The following LYPLAL1 variants were observed in gnomAD, a reference collection of about 807,000 sequenced individuals.
The protein encoded by LYPLAL1 is lysophospholipase like 1.
Under a neutral mutation model 19.7 loss-of-function variants are expected in LYPLAL1, and 23 were observed. The observed-to-expected ratio is 1.17, with a 90% CI of 0.84 to 1.65. LYPLAL1 has a LOEUF of 1.65. Ranked by LOEUF, LYPLAL1 falls within the 40% of genes most tolerant of loss-of-function variation. LYPLAL1 has a pLI of 0.00. For synonymous variants in LYPLAL1, 119 were observed against 96.3 expected, an observed-to-expected ratio of 1.24 and a Z score of -1.38; for missense variants, 355 against 279.4, an observed-to-expected ratio of 1.27 and a Z score of -1.93.
Position 219,202,686 on chromosome 1 carries a change from A to AT in LYPLAL1, c.362-7837dup, listed in dbSNP as rs987192742. 3.3e-5 allele frequency among the ~76,000 whole-genome samples: 5 copies of AT among 151,520 alleles called. No individual in the cohort carries two copies. The East Asian group carries it at 5.8e-4, about 18-fold the overall frequency. ...CCATAGTGAGGAATGAAGTTAGGTA[A>AT]TTTTTTTTTGAAACAGGGTCTTGCT... On this transcript the variant is annotated intron_variant, in intron 3 of 4. Coordinates refer to ENST00000366928, the MANE Select transcript of LYPLAL1 (RefSeq NM_138794.5).
chr1:219,325,090 G>A, the LYPLAL1 span, among the ~76,000 whole-genome samples: 1 of 152,122 alleles, frequency 6.6e-6, no homozygotes, highest in Non-Finnish European at 1.5e-5. Context: ...AAATTAGAAA[G>A]TAAATAAATG....
the LYPLAL1 span, among the ~76,000 whole-genome samples, chr1:219,373,157 G>A: frequency 0.033 from 5,014 of 152,238 alleles, 275 homozygotes; most frequent in African/African-American, 0.11. Flanking sequence ...ATTGGTGTGC[G>A]TACATGTAGC....
the LYPLAL1 span, among the ~76,000 whole-genome samples, chr1:219,281,975 T>C: frequency 2.0e-5 from 3 of 152,216 alleles, no homozygotes; most frequent in Admixed American, 2.0e-4. Flanking sequence ...TACATGCACT[T>C]GGACAGAGAA....
the LYPLAL1 span, among the ~76,000 whole-genome samples, chr1:219,352,470 A>C: frequency 2.0e-3 from 310 of 152,296 alleles, 2 homozygotes; most frequent in African/African-American, 7.2e-3. Context: ...GTAAGCCGAG[A>C]TCGCGCCACT....
chr1:219,241,134 C>CTA, the LYPLAL1 span, among the ~76,000 whole-genome samples: 867 of 44,316 alleles, frequency 0.02, 38 homozygotes, highest in African/African-American at 0.034. Context: ...CTCTCTCTCT[C>CTA]TATATATATA....
the LYPLAL1 span, among the ~76,000 whole-genome samples, chr1:219,259,284 C>T: frequency 1.3e-5 from 2 of 151,662 alleles, no homozygotes; most frequent in African/African-American, 4.8e-5. Flanking sequence ...GAAAAGAAGC[C>T]GTTATGTAAC....
At chr1:219,271,921 C>A in the LYPLAL1 span, 3 of 152,182 alleles carry the variant, frequency 2.0e-5, no homozygotes, top group African/African-American at 7.2e-5. Context: ...TCTGTGAAAA[C>A]CAGCAGCTTT....
At chr1:219,362,078 A>C in the LYPLAL1 span, among the ~76,000 whole-genome samples, 4 of 152,132 alleles carry the variant, frequency 2.6e-5, no homozygotes, top group African/African-American at 7.2e-5. Flanking sequence ...GATTAATAGA[A>C]TGTTAGGAAG....
the LYPLAL1 span, chr1:219,435,248 T>C: frequency 8.7e-4 from 132 of 152,268 alleles, no homozygotes; most frequent in African/African-American, 3.1e-3. Flanking sequence ...AACTAAGACA[T>C]AGGGTGGTTC....
At chr1:219,214,771 A>T (rs1160276928), downstream of LYPLAL1, among the ~76,000 whole-genome samples, 1 of 146,334 alleles carries the variant, frequency 6.8e-6, no homozygotes, top group South Asian at 2.2e-4. Context: ...GCTCACTACA[A>T]CTCCACCTCC....
the LYPLAL1 span, among the ~76,000 whole-genome samples, chr1:219,442,078 T>C: frequency 6.6e-6 from 1 of 152,178 alleles, no homozygotes; most frequent in Non-Finnish European, 1.5e-5. Context: ...GATTAAACAA[T>C]ACCATTCTCC....
At chr1:219,441,786 C>T in the LYPLAL1 span, among the ~76,000 whole-genome samples, 16 of 152,260 alleles carry the variant, frequency 1.1e-4, no homozygotes, top group Non-Finnish European at 2.1e-4. Flanking sequence ...CATTCCCTCT[C>T]AGGAACTTTT....
the LYPLAL1 span, among the ~76,000 whole-genome samples, chr1:219,257,715 A>G: frequency 6.6e-6 from 1 of 152,060 alleles, no homozygotes; most frequent in Non-Finnish European, 1.5e-5. Flanking sequence ...AGAATTACTG[A>G]TGAGGGTCTG....
chr1:219,431,899 C>T, the LYPLAL1 span, among the ~76,000 whole-genome samples: 1 of 152,208 alleles, frequency 6.6e-6, no homozygotes, highest in African/African-American at 2.4e-5. Context: ...TTTTCCCAAA[C>T]TATACAATAG....
chr1:219,233,189 T>A, the LYPLAL1 span, among the ~76,000 whole-genome samples: 2 of 152,146 alleles, frequency 1.3e-5, no homozygotes, highest in African/African-American at 4.8e-5. Flanking sequence ...GCCTTTAAAA[T>A]GAAATAACTT....
At chr1:219,409,555 T>G in the LYPLAL1 span, 6 of 152,126 alleles carry the variant, frequency 3.9e-5, no homozygotes, top group Non-Finnish European at 7.3e-5. Context: ...AAGGAGCGAA[T>G]TTTTGCTGTA....
At chr1:219,210,507 C>CT (rs779566938) in intron 3 of LYPLAL1, 25 bp from the exon 4 acceptor site, 3 of 1,274,984 alleles carry the variant, frequency 2.4e-6, no homozygotes, top group Non-Finnish European at 3.1e-6. Context: ...ATGTATTCTA[C>CT]TTTTAAGTAT....
chr1:219,210,399 G>A, intron 3 of LYPLAL1, 133 bp from the exon 4 acceptor site: 1 of 575,132 alleles, frequency 1.7e-6, no homozygotes, highest in Non-Finnish European at 2.9e-6. Context: ...GTGAAACTTA[G>A]AGTAGACGAA....
the LYPLAL1 span, among the ~76,000 whole-genome samples, chr1:219,220,101 C>A: frequency 6.6e-6 from 1 of 152,042 alleles, no homozygotes; most frequent in Non-Finnish European, 1.5e-5. Context: ...GCTATAACTT[C>A]ATCTTTTTTC....
Sources: allele counts gnomAD v4.1 joint callset (sites outside exome capture counted in the v4.1 genomes callset), GRCh38; gene constraint gnomAD v4.1.1; transcripts MANE v1.5; gene names NCBI Gene and HGNC (gene_info 2026-07-23, HGNC 2026-07-21).